The following CCDC181 variants were observed in gnomAD, a reference collection of about 807,000 sequenced individuals.
CCDC181 encodes coiled-coil domain containing 181.
Under a neutral mutation model 58.7 loss-of-function variants are expected in CCDC181, and 35 were observed. The observed-to-expected ratio is 0.60, with a 90% CI of 0.46 to 0.79. The LOEUF is 0.79. CCDC181 is among the 30% of genes least tolerant of loss of function. CCDC181 has a pLI of 0.00. For synonymous variants in CCDC181, 183 were observed against 197.5 expected, an observed-to-expected ratio of 0.93 and a Z score of 0.62; for missense variants, 517 against 583.9, an observed-to-expected ratio of 0.89 and a Z score of 1.18.
chr1:169,401,368 G>A (rs770600861), intron 4 of CCDC181, among the ~76,000 whole-genome samples: 24 of 152,126 alleles, frequency 1.6e-4, no homozygotes, highest in Admixed American at 1.3e-4. Flanking sequence ...GGTCCCTGAC[G>A]CCCAAGTAGG....
chr1:169,421,675 A>G lies in CCDC181; in HGVS notation c.756T>C (p.Pro252=), dbSNP rs902104906. 6.2e-7 allele frequency: 1 copy of G among 1,614,088 alleles called. No homozygotes were observed. Among genetic ancestry groups the G allele is most frequent in the Non-Finnish European group, 8.5e-7 (1 of 1,180,012 alleles). The change falls in exon 3 of 6, where the codon CCT becomes CCC. Residue 252 remains proline, a synonymous_variant. Transcript: ENST00000367806. ...TGGAAGATCTGGGTAACAACTGCTG[A>G]GGGTCATTTTCTGTACTATTTGCAT... is the stretch of plus-strand genomic sequence containing the variant. ...INNANSTEND[P]QQLLPRSSNS... is the part of the protein sequence containing the mutation.
At chr1:169,414,454 T>C (rs1181418515) in intron 4 of CCDC181, among the ~76,000 whole-genome samples, 1 of 152,140 alleles carries the variant, frequency 6.6e-6, no homozygotes, top group African/African-American at 2.4e-5. Flanking sequence ...AACAACACTA[T>C]CAACCAACTA....
At chr1:169,418,673 G>A (rs12094791) in intron 4 of CCDC181, 13,434 of 246,696 alleles carry the variant, frequency 0.054, 439 homozygotes, top group East Asian at 0.13. Context: ...ATTTCTATAC[G>A]TCTAGTCTTA....
At chr1:169,450,200 C>CT (rs1657497723) in intron 2 of CCDC181, among the ~76,000 whole-genome samples, 2 of 152,228 alleles carry the variant, frequency 1.3e-5, no homozygotes, top group Non-Finnish European at 2.9e-5. Context: ...GTTGAAGAAA[C>CT]TGTCCTTCCC....
At chr1:169,416,378 G>GT (rs1233142531) in intron 4 of CCDC181, among the ~76,000 whole-genome samples, 6 of 151,936 alleles carry the variant, frequency 3.9e-5, no homozygotes, top group East Asian at 1.9e-4. Context: ...TGCTTATTAT[G>GT]TTTTTTTCCG....
intron 4 of CCDC181, 118 bp downstream of exon 4, chr1:169,418,894 TC>T: frequency 1.3e-6 from 1 of 754,388 alleles, no homozygotes. Context: ...CAAGGGTAGT[TC>T]TTGAACAACT....
chr1:169,450,188 G>C (rs1360819148), intron 2 of CCDC181, among the ~76,000 whole-genome samples: 1 of 152,174 alleles, frequency 6.6e-6, no homozygotes, highest in East Asian at 1.9e-4. Context: ...GAGGAAGCTA[G>C]AGTTGAAGAA....
chr1:169,407,280 A>G (rs1655717311), intron 4 of CCDC181, among the ~76,000 whole-genome samples: 1 of 152,340 alleles, frequency 6.6e-6, no homozygotes, highest in Non-Finnish European at 1.5e-5. Context: ...GATAAGAATG[A>G]TAGCCAACCT....
At chr1:169,423,511 C>T (rs537940582) in intron 2 of CCDC181, among the ~76,000 whole-genome samples, 5 of 152,056 alleles carry the variant, frequency 3.3e-5, no homozygotes, top group African/African-American at 9.6e-5. Flanking sequence ...GCTCAGTCAT[C>T]CCCTTTTCCC....
intron 2 of CCDC181, among the ~76,000 whole-genome samples, chr1:169,453,845 G>A (rs1185210606): frequency 6.6e-6 from 1 of 151,512 alleles, no homozygotes; most frequent in Non-Finnish European, 1.5e-5. Flanking sequence ...TGCCACAATA[G>A]TTTCAAGTCT....
chr1:169,407,057 GAAAA>G (rs33976978), intron 4 of CCDC181, among the ~76,000 whole-genome samples: 42 of 118,926 alleles, frequency 3.5e-4, no homozygotes, highest in Non-Finnish European at 5.4e-4. Context: ...AGATGAGGCA[GAAAA>G]AAAAAAAAAA....
chr1:169,441,881 T>G (rs367686661), intron 2 of CCDC181, among the ~76,000 whole-genome samples: 1 of 152,208 alleles, frequency 6.6e-6, no homozygotes, highest in African/African-American at 2.4e-5. Context: ...TGTTTAATAC[T>G]AGTTACGTGT....
intron 4 of CCDC181, among the ~76,000 whole-genome samples, chr1:169,399,663 ATGAC>A (rs1422786389): frequency 2.0e-5 from 3 of 152,252 alleles, no homozygotes; most frequent in Non-Finnish European, 4.4e-5. Context: ...AAAAGGATAA[ATGAC>A]TGAATTGGAG....
rs1393718679 is a variant in CCDC181 at position 169,421,755 on chromosome 1, CA to C, written c.675del (p.Phe225LeufsTer4). The C allele has an allele frequency of 6.2e-7, 1 of 1,614,072 alleles. No individual in the cohort carries two copies. Among genetic ancestry groups the C allele is most frequent in the South Asian group, 1.1e-5 (1 of 91,070 alleles). Reference protein sequence around the residue: ...RTILVERDGKFELLNLQDIAS... With the variant: ...RTILVERDGKXELLNLQDIAS... ...GCAATGTCTTGTAAATTCAGAAGTT[CA>C]AATTTTCCATCTCTCTCTACCAGTA... On this transcript the variant is annotated frameshift_variant, in exon 3 of 6. Transcript: ENST00000367806. LOFTEE classifies it high-confidence loss of function.
At chr1:169,399,071 A>C (rs1655205019) in intron 4 of CCDC181, among the ~76,000 whole-genome samples, 1 of 152,232 alleles carries the variant, frequency 6.6e-6, no homozygotes, top group Non-Finnish European at 1.5e-5. Flanking sequence ...AGTAGGGATC[A>C]GGTAATGTAT....
chr1:169,421,142 C>A (rs1656436107), intron 3 of CCDC181, among the ~76,000 whole-genome samples: 1 of 152,178 alleles, frequency 6.6e-6, no homozygotes, highest in African/African-American at 2.4e-5. Flanking sequence ...TCCGCTAACA[C>A]AGATCAGTCT....
intron 4 of CCDC181, among the ~76,000 whole-genome samples, chr1:169,401,211 T>C (rs1291440470): frequency 6.6e-6 from 1 of 152,226 alleles, no homozygotes; most frequent in East Asian, 1.9e-4. Context: ...CTGTAGACTC[T>C]ACCTCTGGGG....
chr1:169,402,094 G>C (rs1655386047), intron 4 of CCDC181, among the ~76,000 whole-genome samples: 2 of 152,086 alleles, frequency 1.3e-5, no homozygotes, highest in Admixed American at 1.3e-4. Flanking sequence ...AGTGAGAAGA[G>C]AAGTTTAGAG....
chr1:169,398,928 A>G (rs1389865169), intron 4 of CCDC181, among the ~76,000 whole-genome samples: 1 of 152,222 alleles, frequency 6.6e-6, no homozygotes, highest in Non-Finnish European at 1.5e-5. Context: ...GGATATCTGG[A>G]GAAAAACAGT....
Sources: allele counts gnomAD v4.1 joint callset (sites outside exome capture counted in the v4.1 genomes callset), GRCh38; gene constraint gnomAD v4.1.1; transcripts MANE v1.5; gene names NCBI Gene and HGNC (gene_info 2026-07-23, HGNC 2026-07-21).